Variants in NPAS3 observed in about 807,000 individuals in gnomAD.
The protein encoded by NPAS3 is neuronal PAS domain protein 3, also known as neuronal PAS domain-containing protein 3.
In NPAS3, 14 loss-of-function variants were observed where a neutral mutation model predicts 73.1. That is an observed-to-expected ratio of 0.19 (90% confidence interval 0.13 to 0.30). The LOEUF (loss-of-function observed/expected upper bound fraction) is 0.30. Among genes scored for constraint, NPAS3 ranks in the 10% least tolerant of loss-of-function variants. NPAS3 has a pLI of 1.00. For missense variants in NPAS3, 1,096 were observed against 1,250.0 expected (o/e 0.88, Z 1.86); for synonymous variants, 620 against 541.5 (o/e 1.14, Z -2.01).
At chr14:33,386,580 G>A (rs1405490375) in intron 4 of NPAS3, among the ~76,000 whole-genome samples, 1 of 151,732 alleles carries the variant, frequency 6.6e-6, no homozygotes, top group African/African-American at 2.4e-5. Flanking sequence ...AACAAGTTAG[G>A]TAGAGGAGAA....
chr14:33,593,277 A>T (rs2057131986), intron 5 of NPAS3, among the ~76,000 whole-genome samples: 1 of 152,196 alleles, frequency 6.6e-6, no homozygotes, highest in African/African-American at 2.4e-5. Flanking sequence ...GGTTTGCCCA[A>T]AGTCTCATAG....
intron 3 of NPAS3, among the ~76,000 whole-genome samples, chr14:33,269,002 G>T (rs990284903): frequency 2.0e-5 from 3 of 152,056 alleles, no homozygotes; most frequent in African/African-American, 7.2e-5. Flanking sequence ...TTGAAGTATG[G>T]CCGGTAAAGC....
chr14:33,711,069 TCTA>T (rs1374106777), intron 6 of NPAS3, among the ~76,000 whole-genome samples: 6 of 152,302 alleles, frequency 3.9e-5, no homozygotes, highest in East Asian at 1.9e-4. Context: ...CTGAAGCCCG[TCTA>T]CTATTAGTAT....
chr14:33,794,711 A>T (rs192282927), intron 10 of NPAS3, among the ~76,000 whole-genome samples: 209 of 152,024 alleles, frequency 1.4e-3, no homozygotes, highest in African/African-American at 4.9e-3. Context: ...CCCAAGCTCA[A>T]CTGCTTCCTA....
intron 6 of NPAS3, among the ~76,000 whole-genome samples, chr14:33,718,238 T>C (rs2061010614): frequency 6.6e-6 from 1 of 152,202 alleles, no homozygotes; most frequent in South Asian, 2.1e-4. Flanking sequence ...TCACTTTGTC[T>C]GTGTAATTTT....
At chr14:33,070,261 A>G (rs2041437679) in intron 2 of NPAS3, among the ~76,000 whole-genome samples, 1 of 151,996 alleles carries the variant, frequency 6.6e-6, no homozygotes, top group Non-Finnish European at 1.5e-5. Context: ...ATATTTTGCT[A>G]CCTAATATCT....
chr14:33,158,066 A>G (rs557070183), intron 2 of NPAS3, among the ~76,000 whole-genome samples: 7 of 150,332 alleles, frequency 4.7e-5, no homozygotes, highest in South Asian at 4.2e-4. Context: ...AAGGAAAAAA[A>G]TGTTCTTTAA....
chr14:33,687,136 C>A (rs1249388137), intron 6 of NPAS3, among the ~76,000 whole-genome samples: 1 of 152,094 alleles, frequency 6.6e-6, no homozygotes, highest in African/African-American at 2.4e-5. Context: ...TAGCCAGGAG[C>A]TAATTATTAA....
At chr14:33,128,722 C>T (rs961926044) in intron 2 of NPAS3, among the ~76,000 whole-genome samples, 5 of 152,004 alleles carry the variant, frequency 3.3e-5, no homozygotes, top group Non-Finnish European at 5.9e-5. Flanking sequence ...TTGAAATGAA[C>T]CAATGAATGA....
intron 4 of NPAS3, among the ~76,000 whole-genome samples, chr14:33,401,726 G>A (rs1043418735): frequency 6.6e-6 from 1 of 151,686 alleles, no homozygotes; most frequent in Non-Finnish European, 1.5e-5. Context: ...ACATCTTTTT[G>A]GGTCATAACA....
chr14:33,196,823 T>G (rs1308931975), intron 2 of NPAS3, among the ~76,000 whole-genome samples: 1 of 152,200 alleles, frequency 6.6e-6, no homozygotes, highest in Non-Finnish European at 1.5e-5. Flanking sequence ...GAGTCAAATG[T>G]GCTCTCATTT....
At chr14:33,387,681 C>A (rs1212968880) in intron 4 of NPAS3, among the ~76,000 whole-genome samples, 2 of 151,994 alleles carry the variant, frequency 1.3e-5, no homozygotes, top group African/African-American at 2.4e-5. Context: ...GCCTTCCAGT[C>A]CCCGGAATAA....
chr14:33,510,177 G>A lies in NPAS3; in HGVS notation c.469-49944G>A, dbSNP rs1305839656. Among the ~76,000 whole-genome samples, 4 of 152,180 alleles carry A rather than the reference G, an allele frequency of 2.6e-5. No individual in the cohort carries two copies. In the East Asian group the frequency reaches 7.8e-4, roughly 30 times the overall value. ...AGCAGTTTGTTCTCTGCTAATGACA[G>A]CTGTGGATACTGAAATGAAGCACAG... is the stretch of plus-strand genomic sequence containing the variant. On this transcript the variant is annotated intron_variant, in intron 4 of 11. Transcript: ENST00000356141.
At chr14:33,775,089 T>C (rs2062770354) in intron 8 of NPAS3, among the ~76,000 whole-genome samples, 1 of 152,210 alleles carries the variant, frequency 6.6e-6, no homozygotes, top group Non-Finnish European at 1.5e-5. Flanking sequence ...CAGTTCTTCC[T>C]CAAGACTAAG....
intron 1 of NPAS3, among the ~76,000 whole-genome samples, chr14:32,969,385 A>T (rs922294070): frequency 6.6e-6 from 1 of 152,158 alleles, no homozygotes; most frequent in African/African-American, 2.4e-5. Context: ...GGTGTGGATT[A>T]TTGCAAACTG....
chr14:33,359,689 T>C (rs1489882699), intron 3 of NPAS3, among the ~76,000 whole-genome samples: 1 of 152,206 alleles, frequency 6.6e-6, no homozygotes, highest in Non-Finnish European at 1.5e-5. Flanking sequence ...AGTGTATTTG[T>C]AGGGAAGATA....
chr14:33,053,352 C>T (rs1008064963), intron 1 of NPAS3, among the ~76,000 whole-genome samples: 1 of 152,224 alleles, frequency 6.6e-6, no homozygotes, highest in Middle Eastern at 3.4e-3. Flanking sequence ...TAAATTCTGC[C>T]CTGAGTTAAA....
intron 3 of NPAS3, among the ~76,000 whole-genome samples, chr14:33,271,916 GA>G (rs997311352): frequency 4.0e-5 from 6 of 150,508 alleles, no homozygotes; most frequent in South Asian, 2.1e-4. Flanking sequence ...AGAGAAAGTA[GA>G]AAAAAAAAGA....
chr14:33,092,151 T>C (rs2042247517), intron 2 of NPAS3, among the ~76,000 whole-genome samples: 1 of 152,056 alleles, frequency 6.6e-6, no homozygotes, highest in Non-Finnish European at 1.5e-5. Flanking sequence ...AAATAAAGGG[T>C]ATTCAATTAG....
Sources: allele counts gnomAD v4.1 joint callset (sites outside exome capture counted in the v4.1 genomes callset), GRCh38; gene constraint gnomAD v4.1.1; transcripts MANE v1.5; gene names NCBI Gene and HGNC (gene_info 2026-07-23, HGNC 2026-07-21).